Variants in RARB observed in about 807,000 individuals in gnomAD.
The protein encoded by RARB is HBV-activated protein.
Under a neutral mutation model 51.9 loss-of-function variants are expected in RARB, and 17 were observed. The ratio of observed to expected loss-of-function variants is 0.33; its 90% CI spans 0.22 to 0.49. The LOEUF (loss-of-function observed/expected upper bound fraction) is 0.49. Among genes scored for constraint, RARB ranks in the 20% least tolerant of loss-of-function variants. The pLI is 0.99. For missense variants in RARB, 369 were observed against 550.8 expected (o/e 0.67, Z 3.30); for synonymous variants, 215 against 195.4 (o/e 1.10, Z -0.84).
At chr3:25,393,618 G>A (rs1331620480) in intron 5 of RARB, among the ~76,000 whole-genome samples, 1 of 152,054 alleles carries the variant, frequency 6.6e-6, no homozygotes, top group African/African-American at 2.4e-5. Flanking sequence ...AATCAAGGAG[G>A]ATTGTGTATT....
intron 3 of RARB, among the ~76,000 whole-genome samples, chr3:25,071,621 T>C (rs1390596196): frequency 6.6e-6 from 1 of 152,216 alleles, no homozygotes; most frequent in Non-Finnish European, 1.5e-5. Context: ...TGTCACAGTA[T>C]AATCAGTTGG....
chr3:25,260,009 T>C (rs1702957792), intron 5 of RARB: 1 of 985,044 alleles, frequency 1.0e-6, no homozygotes, highest in Non-Finnish European at 1.2e-6. Flanking sequence ...AGTTTGTTTT[T>C]GAAACGTTTT....
chr3:25,118,297 G>C (rs1299321790), intron 3 of RARB, among the ~76,000 whole-genome samples: 1 of 152,064 alleles, frequency 6.6e-6, no homozygotes, highest in Non-Finnish European at 1.5e-5. Context: ...GGGGGAAAAA[G>C]GCATTTTTTC....
chr3:24,969,112 G>T (rs976581326), intron 2 of RARB, among the ~76,000 whole-genome samples: 5 of 151,898 alleles, frequency 3.3e-5, no homozygotes, highest in Non-Finnish European at 7.4e-5. Flanking sequence ...TGAATAAATG[G>T]TAAAGCTTCT....
intron 5 of RARB, among the ~76,000 whole-genome samples, chr3:25,585,295 GT>G (rs1236656458): frequency 6.6e-6 from 1 of 152,108 alleles, no homozygotes; most frequent in Admixed American, 6.5e-5. Flanking sequence ...TCCTGTTATT[GT>G]CCACATTTTG....
At chr3:25,047,004 T>C (rs537315451) in intron 2 of RARB, among the ~76,000 whole-genome samples, 1 of 152,104 alleles carries the variant, frequency 6.6e-6, no homozygotes, top group African/African-American at 2.4e-5. Flanking sequence ...AGTCTTAAAT[T>C]TTTCTTCAAA....
intron 2 of RARB, among the ~76,000 whole-genome samples, chr3:24,888,742 C>T (rs1703314379): frequency 6.6e-6 from 1 of 152,036 alleles, no homozygotes; most frequent in South Asian, 2.1e-4. Flanking sequence ...ATATTTTGTA[C>T]ATTATGGACA....
intron 3 of RARB, among the ~76,000 whole-genome samples, chr3:25,071,796 G>A (rs138241643): frequency 2.1e-3 from 319 of 152,258 alleles, no homozygotes; most frequent in African/African-American, 7.1e-3. Context: ...AATAAAGTAA[G>A]TAGTAGGACA....
chr3:25,414,047 G>A (rs973515917), intron 5 of RARB, among the ~76,000 whole-genome samples: 1 of 141,422 alleles, frequency 7.1e-6, no homozygotes, highest in African/African-American at 2.7e-5. Flanking sequence ...ATGTGCTTTT[G>A]TAATCTTGCC....
chr3:25,174,491 G>C, exon 5 of RARB: 1 of 1,352,088 alleles, frequency 7.4e-7, no homozygotes, highest in Non-Finnish European at 9.8e-7. Context: ...CTTTCCACCT[G>C]TCATCGGAGG....
intron 3 of RARB, among the ~76,000 whole-genome samples, chr3:25,528,504 C>T (rs1289898962): frequency 6.6e-6 from 1 of 151,946 alleles, no homozygotes; most frequent in African/African-American, 2.4e-5. Flanking sequence ...CCAGATGTTT[C>T]CCTCTTTCAG....
chr3:24,905,057 G>C (rs1694826579), intron 2 of RARB, among the ~76,000 whole-genome samples: 1 of 152,248 alleles, frequency 6.6e-6, no homozygotes, highest in South Asian at 2.1e-4. Context: ...GATGGGTGCA[G>C]AAAACCACCA....
intron 4 of RARB, among the ~76,000 whole-genome samples, chr3:25,164,193 A>G (rs1442708353): frequency 2.0e-5 from 3 of 152,214 alleles, no homozygotes; most frequent in Non-Finnish European, 2.9e-5. Context: ...GCCAGAAGGT[A>G]GTAGGGGTGG....
intron 1 of RARB, among the ~76,000 whole-genome samples, chr3:24,849,288 C>A (rs1702524737): frequency 6.6e-6 from 1 of 152,170 alleles, no homozygotes; most frequent in African/African-American, 2.4e-5. Context: ...ACCATTGTTG[C>A]CCCTCAGTGA....
At chr3:25,187,169 GAAGAAGACA>G (rs1357287108) in intron 5 of RARB, among the ~76,000 whole-genome samples, 2 of 151,960 alleles carry the variant, frequency 1.3e-5, no homozygotes, top group African/African-American at 2.4e-5. Flanking sequence ...ATGGTGAGAG[GAAGAAGACA>G]ATGGCCTCTT....
Position 24,953,585 on chromosome 3 carries a change from G to T in RARB, c.-380+94833G>T, listed in dbSNP as rs558849509. On this transcript the variant is annotated intron_variant, in intron 2 of 11. Transcript: ENST00000383772. ...ACACCTACCTGCAATGGTTATCGTT[G>T]CCATAGAGATAACTGGATGATAGAT... Among the ~76,000 whole-genome samples, 18 of 152,320 alleles carry T rather than the reference G, an allele frequency of 1.2e-4. No homozygotes were observed. The South Asian group carries it at 1.5e-3, about 12-fold the overall frequency.
At chr3:25,063,293 T>C (rs957124207) in intron 3 of RARB, among the ~76,000 whole-genome samples, 5 of 152,032 alleles carry the variant, frequency 3.3e-5, no homozygotes, top group African/African-American at 1.2e-4. Flanking sequence ...CTGATTCTCT[T>C]GATAAGAAAG....
chr3:25,554,291 T>G (rs1412577382), intron 3 of RARB, among the ~76,000 whole-genome samples: 1 of 151,568 alleles, frequency 6.6e-6, no homozygotes, highest in African/African-American at 2.4e-5. Flanking sequence ...TTTGTTAAAT[T>G]TATTTTCTTC....
chr3:25,289,129 A>G (rs1197147962), intron 5 of RARB, among the ~76,000 whole-genome samples: 2 of 152,246 alleles, frequency 1.3e-5, no homozygotes, highest in African/African-American at 4.8e-5. Context: ...GCTCAGATTT[A>G]GAGCCAACTT....
Sources: allele counts gnomAD v4.1 joint callset (sites outside exome capture counted in the v4.1 genomes callset), GRCh38; gene constraint gnomAD v4.1.1; transcripts MANE v1.5; gene names NCBI Gene and HGNC (gene_info 2026-07-23, HGNC 2026-07-21).